Variants in HTR2C observed in about 807,000 individuals in gnomAD.
HTR2C encodes the protein 5-hydroxytryptamine (serotonin) receptor 2C, G protein-coupled.
In HTR2C, 5 loss-of-function variants were observed where a neutral mutation model predicts 21.0. That is an observed-to-expected ratio of 0.24 (90% confidence interval 0.12 to 0.50). The LOEUF (loss-of-function observed/expected upper bound fraction) is 0.50, where lower values mean the gene tolerates loss of function less well. HTR2C is among the 20% of genes least tolerant of loss of function. The pLI is 0.98. For missense variants in HTR2C, 271 were observed against 371.2 expected, an observed-to-expected ratio of 0.73 and a Z score of 2.22; for synonymous variants, 150 against 145.3, an observed-to-expected ratio of 1.03 and a Z score of -0.23.
At chrX:114,606,871 T>C (rs1556397104) in intron 1 of HTR2C, among the ~76,000 whole-genome samples, 1 of 110,620 alleles carries the variant, frequency 9.0e-6, no homozygotes. Flanking sequence ...TGGGTGCAAG[T>C]GGGCTGAGTC....
At chrX:114,615,800 T>A (rs1248779345) in intron 2 of HTR2C, among the ~76,000 whole-genome samples, 1 of 111,994 alleles carries the variant, frequency 8.9e-6, no homozygotes, top group East Asian at 2.8e-4. Flanking sequence ...GCACCCCTCT[T>A]TGTACACACA....
In HTR2C at chrX:114,635,087, C is replaced by T. The variant is rs782560509; in HGVS notation, c.-80+21206C>T. 5.1e-3 allele frequency among the ~76,000 whole-genome samples: 568 copies of T among 111,213 alleles called. 1 individual carries two copies. The highest frequency in any genetic ancestry group is 8.0e-3 in the Non-Finnish European group (422 of 53,023). On this transcript the variant is annotated intron_variant, in intron 2 of 5. Transcript: ENST00000276198. The stretch of plus-strand genomic sequence containing the variant: ...TATAATTTTTAACTCTCAAAAGTGT[C>T]CAATCTGGATGCTAAATTATATACT...
chrX:114,698,101 C>T (rs1159834881), intron 2 of HTR2C, among the ~76,000 whole-genome samples: 1 of 112,379 alleles, frequency 8.9e-6, no homozygotes, highest in Admixed American at 9.4e-5. Context: ...CACATTTCTT[C>T]TAACGAGGCC....
chrX:114,623,229 T>C (rs1556402131), intron 2 of HTR2C, among the ~76,000 whole-genome samples: 1 of 112,301 alleles, frequency 8.9e-6, no homozygotes, highest in East Asian at 2.8e-4. Context: ...AAGCGAGTTA[T>C]CCACAGTCCC....
chrX:114,820,822 C>T (rs1283788445), intron 4 of HTR2C, among the ~76,000 whole-genome samples: 6 of 110,965 alleles, frequency 5.4e-5, no homozygotes, highest in African/African-American at 1.3e-4. Flanking sequence ...TTCCCAGTCT[C>T]GGGTATGTCT....
intron 4 of HTR2C, among the ~76,000 whole-genome samples, chrX:114,827,186 A>T (rs2070685792): frequency 1.8e-5 from 2 of 111,203 alleles, no homozygotes; most frequent in South Asian, 7.4e-4. Flanking sequence ...CAAAATCCAA[A>T]CTGCTCCAAT....
chrX:114,718,945 AATTAT>A (rs1342988759), intron 2 of HTR2C, among the ~76,000 whole-genome samples: 1 of 98,581 alleles, frequency 1.0e-5, no homozygotes, highest in South Asian at 4.1e-4. Context: ...ATATAATATA[AATTAT>A]ATTAATATTA....
At chrX:114,700,764 C>T (rs1203726711) in intron 2 of HTR2C, among the ~76,000 whole-genome samples, 2 of 112,721 alleles carry the variant, frequency 1.8e-5, no homozygotes, top group African/African-American at 3.2e-5. Flanking sequence ...GGCATTGCCT[C>T]ACTCGGGAAG....
At chrX:114,802,683 A>ATTCATTCT (rs1556447208) in intron 4 of HTR2C, among the ~76,000 whole-genome samples, 13 of 66,793 alleles carry the variant, frequency 1.9e-4, no homozygotes, top group East Asian at 4.8e-4. Flanking sequence ...CTATGCTTAG[A>ATTCATTCT]TTCTTTCTTT....
rs180703750 is a variant in HTR2C, at chrX:114,829,021, G to C, written c.350-18982G>C. ...TTCCTCCTTTTGGCTATAGTGAAAA[G>C]TACCACTATAAAGAGTCATGTCAAA... On this transcript the variant is annotated intron_variant, in intron 4 of 5. Transcript: ENST00000276198. Among the ~76,000 whole-genome samples the C allele has an allele frequency of 1.4e-3, 158 of 111,747 alleles. 2 individuals are homozygous for C. The highest frequency in any genetic ancestry group is 4.8e-3 in the African/African-American group (147 of 30,794).
chrX:114,626,128 G>T (rs1929359753), intron 2 of HTR2C, among the ~76,000 whole-genome samples: 1 of 109,940 alleles, frequency 9.1e-6, no homozygotes. Flanking sequence ...GATATTTACG[G>T]TAGCTCTTCT....
chrX:114,664,487 T>G (rs1323942841), intron 2 of HTR2C, among the ~76,000 whole-genome samples: 1 of 112,022 alleles, frequency 8.9e-6, no homozygotes, highest in Non-Finnish European at 1.9e-5. Flanking sequence ...TTTCTGTATC[T>G]GCATTAGTTT....
chrX:114,906,066 A>C, intron 5 of HTR2C, among the ~76,000 whole-genome samples: 1 of 112,258 alleles, frequency 8.9e-6, no homozygotes, highest in South Asian at 3.7e-4. Flanking sequence ...CTATTTCTGC[A>C]TAGTAGTTAG....
intron 2 of HTR2C, among the ~76,000 whole-genome samples, chrX:114,679,724 A>G (rs1931686704): frequency 9.0e-6 from 1 of 111,426 alleles, no homozygotes; most frequent in African/African-American, 3.3e-5. Context: ...AATAATACAT[A>G]AGAGATGTAA....
At chrX:114,671,959 A>G (rs1931393031) in intron 2 of HTR2C, among the ~76,000 whole-genome samples, 1 of 111,845 alleles carries the variant, frequency 8.9e-6, no homozygotes, top group South Asian at 3.7e-4. Context: ...AAAATGAATA[A>G]TAACAGTACC....
chrX:114,779,639 C>T (rs1254190400), intron 4 of HTR2C, among the ~76,000 whole-genome samples: 1 of 111,846 alleles, frequency 8.9e-6, no homozygotes, highest in African/African-American at 3.2e-5. Flanking sequence ...ATTGCCAGTA[C>T]TCTGGAAGGC....
At chrX:114,662,261 T>TA in intron 2 of HTR2C, among the ~76,000 whole-genome samples, 2 of 112,014 alleles carry the variant, frequency 1.8e-5, no homozygotes, top group Middle Eastern at 9.3e-3. Context: ...AATTTTTTTA[T>TA]AATGATATTA....
chrX:114,888,916 T>C (rs2071240171), intron 5 of HTR2C, among the ~76,000 whole-genome samples: 1 of 111,945 alleles, frequency 8.9e-6, no homozygotes, highest in Non-Finnish European at 1.9e-5. Context: ...GAACGTATTT[T>C]AAATCACTTA....
At chrX:114,654,074 G>C (rs1346417262) in intron 2 of HTR2C, among the ~76,000 whole-genome samples, 2 of 109,870 alleles carry the variant, frequency 1.8e-5, no homozygotes, top group African/African-American at 6.6e-5. Context: ...TCTATCTGAA[G>C]ACAGTAAAAT....
Sources: gnomAD v4.1 joint callset for allele counts (sites outside exome capture counted in the v4.1 genomes callset) on GRCh38, gnomAD v4.1.1 for gene constraint, MANE v1.5 for transcripts, NCBI Gene and HGNC (gene_info 2026-07-23, HGNC 2026-07-21) for gene names.